SH3BP2: variants seen among roughly 807,000 people sequenced by gnomAD.
The protein encoded by SH3BP2 is SH3 domain-binding protein 2.
A neutral mutation model predicts 56.2 loss-of-function variants in SH3BP2; 38 were observed. The observed-to-expected ratio is 0.68, with a 90% CI of 0.52 to 0.89. SH3BP2 has a LOEUF of 0.89. Among genes scored for constraint, SH3BP2 ranks in the 40% least tolerant of loss-of-function variants. SH3BP2 has a pLI of 0.00. For missense variants in SH3BP2, 748 were observed against 762.6 expected (o/e 0.98, Z 0.23); for synonymous variants, 346 against 316.7 (o/e 1.09, Z -0.98).
chr4:2,830,458 T>A (rs1365785028), intron 8 of SH3BP2, among the ~76,000 whole-genome samples: 2 of 151,972 alleles, frequency 1.3e-5, no homozygotes, highest in South Asian at 2.1e-4. Flanking sequence ...ACCTCCGGGG[T>A]TCAGGTGATT....
rs1357094650 is a variant in SH3BP2 at position 2,840,250 on chromosome 4, A to AG, written c.*6416_*6417insG. 1 of 151,684 alleles carries AG rather than the reference A, an allele frequency of 6.6e-6. No individual in the cohort carries two copies. Among genetic ancestry groups the AG allele is most frequent in the Non-Finnish European group, 1.5e-5 (1 of 67,938 alleles). 9.4% of individuals were successfully genotyped at this position (151,684 alleles called of 1,614,324 possible). A position where few individuals can be genotyped will look rare whatever the true frequency, so the allele number is the denominator to read the frequency against. ...AAAAAAAACCAAAAAAAAAAAAAAA[A>AG]AAAAGAAAACCACTGAAATTATTTC... is the stretch of plus-strand genomic sequence containing the variant. On this transcript the variant is annotated 3_prime_UTR_variant, in exon 13 of 13. Transcript: ENST00000503393.
Position 2,839,249 on chromosome 4 carries a change from G to T in SH3BP2, c.*5415G>T, listed in dbSNP as rs1725338060. 1 of 149,680 alleles carries T rather than the reference G, an allele frequency of 6.7e-6. No homozygotes were observed. Among genetic ancestry groups the T allele is most frequent in the South Asian group, 2.1e-4 (1 of 4,754 alleles). 9.3% of individuals were successfully genotyped at this position (149,680 alleles called of 1,614,324 possible). On this transcript the variant is annotated 3_prime_UTR_variant, in exon 13 of 13. Transcript: ENST00000503393. Reference sequence around the variant, plus strand: ...TGCAGTGGTGCAATCTCAGCTCACTGCAGCCTTGAGTCAGGCTCAGGTGAT... The same window carrying T: ...TGCAGTGGTGCAATCTCAGCTCACTTCAGCCTTGAGTCAGGCTCAGGTGAT...
chr4:2,828,044 G>T (rs1262546742), intron 7 of SH3BP2, among the ~76,000 whole-genome samples: 1 of 152,148 alleles, frequency 6.6e-6, no homozygotes, highest in Non-Finnish European at 1.5e-5. Flanking sequence ...AGGCCAGGTC[G>T]TTGTCCCACC....
In SH3BP2 at chr4:2,824,637, C is replaced by T. The variant is rs1724494316; in HGVS notation, c.264C>T (p.Thr88=). ...YNRVMRAAEE[T]TSNNVFPFKI... ...GGGTGATGCGGGCGGCTGAGGAGAC[C>T]ACGTCCAACAACGTTTTCCCCTTCA... The change falls in exon 4 of 13, where the codon ACC becomes ACT. Residue 88 remains threonine (T), a synonymous_variant. Coordinates refer to ENST00000503393, the MANE Select transcript of SH3BP2 (RefSeq NM_001122681.2). 6.2e-7 allele frequency: 1 copy of T among 1,613,906 alleles called. No homozygotes were observed. Among genetic ancestry groups the T allele is most frequent in the Non-Finnish European group, 8.5e-7 (1 of 1,179,958 alleles).
At chr4:2,826,853 G>A (rs995655869) in intron 5 of SH3BP2, 5 of 461,502 alleles carry the variant, frequency 1.1e-5, no homozygotes, top group African/African-American at 9.8e-5. Context: ...CTGTGTGACA[G>A]AGTCCTTGTG....
Position 2,831,439 on chromosome 4 carries a change from T to G in SH3BP2, c.1242-132T>G. On this transcript the variant is annotated intron_variant, in intron 8 of 12. Coordinates refer to ENST00000503393, the MANE Select transcript of SH3BP2 (RefSeq NM_001122681.2). The surrounding 1 kb of genome is among the most constrained non-coding windows in gnomAD (Gnocchi z 4.1). ...CCCGGATCTCTGTTGTCCTGAGCTT[T>G]TTAGGGTCACAGGGGCCATAGCAGG... is the stretch of plus-strand genomic sequence containing the variant. The G allele has an allele frequency of 1.4e-6, 1 of 735,368 alleles. No homozygotes were observed. The allele number at this position is 735,368 out of a possible 1,614,324, so 45.6% of individuals were successfully genotyped here.
intron 1 of SH3BP2, chr4:2,796,471 G>C: frequency 2.0e-6 from 2 of 985,324 alleles, no homozygotes; most frequent in Non-Finnish European, 2.4e-6. Flanking sequence ...CCAACGCCCT[G>C]AGGTGACTGG....
At chr4:2,825,461 G>A (rs1380919260) in intron 5 of SH3BP2, among the ~76,000 whole-genome samples, 1 of 144,324 alleles carries the variant, frequency 6.9e-6, no homozygotes, top group Non-Finnish European at 1.6e-5. Flanking sequence ...CACACACAGA[G>A]CAACACGTGG....
Position 2,793,549 on chromosome 4 carries a change from T to C in SH3BP2, c.-5+411T>C, listed in dbSNP as rs564074890. On this transcript the variant is annotated intron_variant, in intron 1 of 12. Coordinates refer to ENST00000503393, the MANE Select transcript of SH3BP2 (RefSeq NM_001122681.2). ...GTGTCCCTTGCCGGGGGCTCAGGGG[T>C]GGGAGGCGGTGCGACGCGTCTGTTT... Among the ~76,000 whole-genome samples, 168 of 149,178 alleles carry C rather than the reference T, an allele frequency of 1.1e-3. 1 individual carries two copies. Among genetic ancestry groups the C allele is most frequent in the African/African-American group, 3.9e-3 (159 of 40,326 alleles).
chr4:2,798,261 C>G (rs1471342139), intron 1 of SH3BP2, among the ~76,000 whole-genome samples: 1 of 152,232 alleles, frequency 6.6e-6, no homozygotes, highest in Non-Finnish European at 1.5e-5. Context: ...TGTAGCTGCT[C>G]TTCCTAAACG....
At chr4:2,827,132 C>T (rs1205905214) in intron 5 of SH3BP2, 98 bp from the exon 6 acceptor site, 1 of 888,808 alleles carries the variant, frequency 1.1e-6, no homozygotes, top group Non-Finnish European at 1.9e-6. Context: ...TGTATCTGTC[C>T]ATGTATCCGC....
rs777133458 is a variant in SH3BP2 at position 2,832,981 on chromosome 4, G to C, written c.1489-9G>C. The C allele has an allele frequency of 6.2e-7, 1 of 1,614,122 alleles. No individual in the cohort carries two copies. Among genetic ancestry groups the C allele is most frequent in the East Asian group, 2.2e-5 (1 of 44,882 alleles). On this transcript the variant is annotated splice_polypyrimidine_tract_variant and intron_variant, in intron 11 of 12. Transcript: ENST00000503393. ...AGGGAGCCGTCAGCCTCCCGCTTCC[G>C]TCCTGTAGGTCCTGGTTGTGTGGGA...
At chr4:2,793,230 C>G (rs1722954813) in intron 1 of SH3BP2, 92 bp downstream of exon 1, 2 of 122,204 alleles carry the variant, frequency 1.6e-5, no homozygotes, top group African/African-American at 6.4e-5. Context: ...CCTTGGCGGT[C>G]TGGGGGCTCT....
intron 1 of SH3BP2, among the ~76,000 whole-genome samples, chr4:2,807,692 G>A (rs1440813848): frequency 2.0e-5 from 3 of 152,222 alleles, no homozygotes; most frequent in Non-Finnish European, 2.9e-5. Context: ...CCCCATCCAC[G>A]TGGACAGGGA....
chr4:2,829,435 G>A lies in SH3BP2; in HGVS notation c.587-58G>A. The A allele has an allele frequency of 6.3e-7, 1 of 1,583,228 alleles. No homozygotes were observed. The highest frequency in any genetic ancestry group is 8.7e-7 in the Non-Finnish European group (1 of 1,152,732). The stretch of plus-strand genomic sequence containing the variant: ...TTGGCCTGGCTGACCACTGCCAGCA[G>A]AGGATAGTGTTGGCCCAGTCTCTGT... On this transcript the variant is annotated intron_variant, in intron 7 of 12. Coordinates refer to ENST00000503393, the MANE Select transcript of SH3BP2 (RefSeq NM_001122681.2). The surrounding 1 kb of genome is among the most constrained non-coding windows in gnomAD (Gnocchi z 4.9).
intron 4 of SH3BP2, 80 bp from the exon 5 acceptor site, chr4:2,825,046 G>A: frequency 7.7e-7 from 1 of 1,300,370 alleles, no homozygotes; most frequent in South Asian, 1.3e-5. Flanking sequence ...CAGCAGAGCA[G>A]GCAGGGCAGT....
Position 2,802,460 on chromosome 4 carries a change from G to A in SH3BP2, c.-5+9322G>A, listed in dbSNP as rs187687681. On this transcript the variant is annotated intron_variant, in intron 1 of 12. Coordinates refer to ENST00000503393, the MANE Select transcript of SH3BP2 (RefSeq NM_001122681.2). ...TGTGTGTGTATGTATATATGTGTGT[G>A]TATATATGTGTATGTGTATATATAT... Among the ~76,000 whole-genome samples, 260 of 144,516 alleles carry A rather than the reference G, an allele frequency of 1.8e-3. 1 individual carries two copies. The highest frequency in any genetic ancestry group is 6.3e-3 in the African/African-American group (248 of 39,424). 94.8% of individuals were successfully genotyped at this position (144,516 alleles called of 152,430 possible).
rs1457383966 is a variant in SH3BP2, at chr4:2,820,874, T to A, written c.136+121T>A. The A allele has an allele frequency of 1.5e-5, 18 of 1,172,218 alleles. No homozygotes were observed. In the East Asian group the frequency reaches 4.7e-4, roughly 30 times the overall value. 72.6% of individuals were successfully genotyped at this position (1,172,218 alleles called of 1,614,324 possible). ...ATGGTGTGCCCTCTGGATTTTCCCATTCCCTCTCTGGTGGCTGGCACCCCT... is the reference window on the plus strand; with the variant it reads ...ATGGTGTGCCCTCTGGATTTTCCCAATCCCTCTCTGGTGGCTGGCACCCCT... On this transcript the variant is annotated intron_variant, in intron 2 of 12. Coordinates refer to ENST00000503393, the MANE Select transcript of SH3BP2 (RefSeq NM_001122681.2).
intron 1 of SH3BP2, 105 bp from the exon 2 acceptor site, chr4:2,820,509 C>G: frequency 6.9e-7 from 1 of 1,441,580 alleles, no homozygotes; most frequent in South Asian, 1.2e-5. Context: ...TGGCCCTACC[C>G]TCCAAGCTGT....
Sources: gnomAD v4.1 joint callset for allele counts (sites outside exome capture counted in the v4.1 genomes callset) on GRCh38, gnomAD v4.1.1 for gene constraint, Gnocchi (gnomAD v3.1) non-coding constraint, MANE v1.5 for transcripts, NCBI Gene and HGNC (gene_info 2026-07-23, HGNC 2026-07-21) for gene names.